ZNF71: variants seen among roughly 807,000 people sequenced by gnomAD.
ZNF71 encodes the protein zinc finger protein 71.
In ZNF71, 3 loss-of-function variants were observed where a neutral mutation model predicts 6.7. The observed-to-expected ratio is 0.45, with a 90% CI of 0.20 to 1.16. The LOEUF (loss-of-function observed/expected upper bound fraction) is 1.16, where lower values mean the gene tolerates loss of function less well. Ranked by LOEUF, ZNF71 falls within the 50% of genes most tolerant of loss-of-function variation. ZNF71 has a pLI of 0.25. For missense variants in ZNF71, 688 were observed against 728.6 expected (o/e 0.94, Z 0.64); for synonymous variants, 343 against 311.1 (o/e 1.10, Z -1.08).
Position 56,618,168 on chromosome 19 carries a change from C to T in ZNF71, c.161-3100C>T, listed in dbSNP as rs1266136717. Among the ~76,000 whole-genome samples the T allele has an allele frequency of 6.6e-6, 1 of 152,172 alleles. No individual in the cohort carries two copies. Among genetic ancestry groups the T allele is most frequent in the African/African-American group, 2.4e-5 (1 of 41,436 alleles). On this transcript the variant is annotated intron_variant, in intron 3 of 3. Coordinates refer to ENST00000599599, the MANE Select transcript of ZNF71 (RefSeq NM_001370215.1). This position sits in a 1 kb window ranked among gnomAD's most constrained non-coding sequence, Gnocchi z 4.6. ...GGAAAAGTGATGCATGGTAATATAG[C>T]CACTCCTCAGGAGCCACAGCTCGGG...
At chr19:56,601,083 G>A (rs376214335) in intron 1 of ZNF71, among the ~76,000 whole-genome samples, 3 of 152,214 alleles carry the variant, frequency 2.0e-5, no homozygotes, top group African/African-American at 7.2e-5. Flanking sequence ...AGCAGCCTGC[G>A]GGAATGTGTG....
chr19:56,609,357 T>C (rs2044732706), intron 2 of ZNF71, among the ~76,000 whole-genome samples: 1 of 152,166 alleles, frequency 6.6e-6, no homozygotes, highest in South Asian at 2.1e-4. Context: ...TTTTAGTTTA[T>C]TTACAGTTAT....
intron 1 of ZNF71, among the ~76,000 whole-genome samples, chr19:56,599,856 G>A (rs933097830): frequency 9.9e-5 from 15 of 151,704 alleles, no homozygotes; most frequent in African/African-American, 3.6e-4. Context: ...ACCACACCCG[G>A]CTAATTTTTT....
At position 56,624,321 on chromosome 19, in the gene ZNF71, A is replaced by T. The variant is rs2044891906; in HGVS notation, c.*1564A>T. On this transcript the variant is annotated 3_prime_UTR_variant, in exon 4 of 4. Transcript: ENST00000599599. ...TTCAGGCTCTCATCATTGGAGCCATAGCTGTGGTTCTCTGTGATGCTCTGG... is the reference window on the plus strand; with the variant it reads ...TTCAGGCTCTCATCATTGGAGCCATTGCTGTGGTTCTCTGTGATGCTCTGG... The T allele has an allele frequency of 6.6e-6, 1 of 152,222 alleles. No homozygotes were observed. The highest frequency in any genetic ancestry group is 2.4e-5 in the African/African-American group (1 of 41,440). 9.4% of individuals were successfully genotyped at this position (152,222 alleles called of 1,614,324 possible).
intron 1 of ZNF71, among the ~76,000 whole-genome samples, chr19:56,596,320 G>T (rs1447061813): frequency 6.6e-6 from 1 of 152,118 alleles, no homozygotes. Context: ...GTGTGACTCT[G>T]CAGGGGTGGG....
In ZNF71 at chr19:56,613,355, CTT is replaced by C. The variant is rs2044766534; in HGVS notation, c.34-455_34-454del. Among the ~76,000 whole-genome samples, 1 of 152,204 alleles carries C rather than the reference CTT, an allele frequency of 6.6e-6. No homozygotes were observed. Among genetic ancestry groups the C allele is most frequent in the South Asian group, 2.1e-4 (1 of 4,832 alleles). On this transcript the variant is annotated intron_variant, in intron 2 of 3. Transcript: ENST00000599599. This position sits in a 1 kb window ranked among gnomAD's most constrained non-coding sequence, Gnocchi z 4.6. ...TGATTGCGTTTACCAAATTACGTGT[CTT>C]TGTCTGCCTCTGCCATGAGGAACTA...
chr19:56,600,027 C>A (rs2044655826), intron 1 of ZNF71, among the ~76,000 whole-genome samples: 3 of 150,720 alleles, frequency 2.0e-5, no homozygotes, highest in Admixed American at 2.0e-4. Flanking sequence ...CATAGTCACC[C>A]TGTTGTGCTG....
At chr19:56,599,885 G>GGGTTTCACCGT (rs1304927807) in intron 1 of ZNF71, among the ~76,000 whole-genome samples, 1 of 151,482 alleles carries the variant, frequency 6.6e-6, no homozygotes, top group Non-Finnish European at 1.5e-5. Flanking sequence ...GGTAGAGACG[G>GGGTTTCACCGT]GGTTTCACCG....
rs1023569227 is a variant in ZNF71, at chr19:56,601,505, A to G, written c.-52-2A>G. ...ATGCCTCCCTCTTTCTTCTCCCTACAGCACTGTTGGTCACCGCAGGCCTGT... is the reference window on the plus strand; with the variant it reads ...ATGCCTCCCTCTTTCTTCTCCCTACGGCACTGTTGGTCACCGCAGGCCTGT... On this transcript the variant is annotated splice_acceptor_variant, in intron 1 of 3. Coordinates refer to ENST00000599599, the MANE Select transcript of ZNF71 (RefSeq NM_001370215.1). LOFTEE classifies it low-confidence loss of function (5UTR_SPLICE). 3 of 984,658 alleles carry G rather than the reference A, an allele frequency of 3.0e-6. No homozygotes were observed. Among genetic ancestry groups the G allele is most frequent in the Admixed American group, 1.2e-4 (2 of 16,240 alleles). The allele number at this position is 984,658 out of a possible 1,614,324, so 61.0% of individuals were successfully genotyped here. A position where few individuals can be genotyped will look rare whatever the true frequency, so the allele number is the denominator to read the frequency against.
chr19:56,599,663 T>C (rs1235488708), intron 1 of ZNF71, among the ~76,000 whole-genome samples: 1 of 152,060 alleles, frequency 6.6e-6, no homozygotes, highest in Admixed American at 6.6e-5. Flanking sequence ...ATCCTTTGTG[T>C]TACAAACAAT....
Position 56,621,832 on chromosome 19 carries a change from G to C in ZNF71, c.725G>C (p.Gly242Ala). Reference protein sequence around the residue: ...SLTIHQRVHTGEKPYACGDCG... With the variant: ...SLTIHQRVHTAEKPYACGDCG... ...ACCATCCACCAGCGGGTGCACACGG[G>C]CGAGAAGCCCTATGCCTGCGGGGAC... Residue 242 changes from glycine to alanine, a missense_variant, in exon 4 of 4, where the codon GGC becomes GCC. Gly to Ala is a moderately conservative substitution (Grantham distance 60, BLOSUM62 0). Coordinates refer to ENST00000599599, the MANE Select transcript of ZNF71 (RefSeq NM_001370215.1). The C allele has an allele frequency of 6.2e-7, 1 of 1,612,130 alleles. No homozygotes were observed. Among genetic ancestry groups the C allele is most frequent in the Non-Finnish European group, 8.5e-7 (1 of 1,178,208 alleles).
At chr19:56,608,883 G>C (rs1205145810) in intron 2 of ZNF71, among the ~76,000 whole-genome samples, 2 of 152,206 alleles carry the variant, frequency 1.3e-5, no homozygotes, top group African/African-American at 4.8e-5. Context: ...AAACCCAGAA[G>C]CAACTCTACA....
At position 56,621,386 on chromosome 19, in the gene ZNF71, T is replaced by TG; in HGVS notation, c.281dup (p.Ser95LeufsTer43). On this transcript the variant is annotated frameshift_variant, in exon 4 of 4. Transcript: ENST00000599599. LOFTEE classifies it low-confidence loss of function (END_TRUNC). Reference sequence around the variant, plus strand: ...CCACGAGGAATGGTGCCAGGGGTCCTGGCTCAGAAGGAGTGTGGGAACCAG... The same window carrying TG: ...CCACGAGGAATGGTGCCAGGGGTCCTGGGCTCAGAAGGAGTGTGGGAACCAG... 1 of 1,607,182 alleles carries TG rather than the reference T, an allele frequency of 6.2e-7. No individual in the cohort carries two copies. Among genetic ancestry groups the TG allele is most frequent in the Non-Finnish European group, 8.5e-7 (1 of 1,175,822 alleles).
rs577725563 is a variant in ZNF71 at position 56,612,244 on chromosome 19, G to A, written c.34-1568G>A. On this transcript the variant is annotated intron_variant, in intron 2 of 3. Transcript: ENST00000599599. The stretch of plus-strand genomic sequence containing the variant: ...ATTTATATCAAAAAGACACCTGCAC[G>A]TGTATGTTTATTGCAGCACGATTCA... Among the ~76,000 whole-genome samples the A allele has an allele frequency of 5.3e-5, 8 of 152,266 alleles. No individual in the cohort carries two copies. In the East Asian group the frequency reaches 9.6e-4, roughly 18 times the overall value.
chr19:56,616,698 G>T (rs1334354003), intron 3 of ZNF71, among the ~76,000 whole-genome samples: 3 of 152,158 alleles, frequency 2.0e-5, no homozygotes, highest in Non-Finnish European at 4.4e-5. Context: ...AGAACACTGT[G>T]CAGCTCATTC....
Position 56,600,541 on chromosome 19 carries a change from C to A in ZNF71, c.-52-966C>A, listed in dbSNP as rs137883667. Among the ~76,000 whole-genome samples the A allele has an allele frequency of 7.2e-4, 109 of 152,002 alleles. 19 individuals carry two copies. Among genetic ancestry groups the A allele is most frequent in the African/African-American group, 2.5e-3 (104 of 41,432 alleles). ...CAATTAGCCATCCCCACATTCCCCC[C>A]ACCCTTCCACTACCCTTCCCAGCCT... On this transcript the variant is annotated intron_variant, in intron 1 of 3. Coordinates refer to ENST00000599599, the MANE Select transcript of ZNF71 (RefSeq NM_001370215.1).
At chr19:56,602,099 A>G (rs907491393) in intron 2 of ZNF71, among the ~76,000 whole-genome samples, 1 of 152,192 alleles carries the variant, frequency 6.6e-6, no homozygotes, top group African/African-American at 2.4e-5. Flanking sequence ...CAGAGATTTC[A>G]TCCTGAGCAT....
intron 2 of ZNF71, among the ~76,000 whole-genome samples, chr19:56,612,443 C>T (rs1463117461): frequency 6.6e-6 from 1 of 152,052 alleles, no homozygotes; most frequent in Admixed American, 6.5e-5. Flanking sequence ...ACTACTCAGC[C>T]ATAAAAAATA....
intron 3 of ZNF71, 137 bp from the exon 4 acceptor site, chr19:56,621,131 G>A (rs2148020817): frequency 1.2e-6 from 1 of 839,624 alleles, no homozygotes; most frequent in Non-Finnish European, 1.7e-6. Flanking sequence ...CTGATCCAAG[G>A]TTCTTCTTTG....
Sources: gnomAD v4.1 joint callset for allele counts (sites outside exome capture counted in the v4.1 genomes callset) on GRCh38, gnomAD v4.1.1 for gene constraint, Gnocchi (gnomAD v3.1) non-coding constraint, MANE v1.5 for transcripts, NCBI Gene and HGNC (gene_info 2026-07-23, HGNC 2026-07-21) for gene names.